The following ST7L variants were observed in gnomAD, a reference collection of about 807,000 sequenced individuals.
The protein encoded by ST7L is suppressor of tumorigenicity 7 protein-like.
Under a neutral mutation model 72.5 loss-of-function variants are expected in ST7L, and 57 were observed. The observed-to-expected ratio is 0.79, with a 90% CI of 0.64 to 0.98. The LOEUF (loss-of-function observed/expected upper bound fraction) is 0.98. Ranked by LOEUF, ST7L falls within the 50% of genes least tolerant of loss-of-function variation. ST7L has a pLI of 0.00. For synonymous variants in ST7L, 221 were observed against 240.9 expected, an observed-to-expected ratio of 0.92 and a Z score of 0.77; for missense variants, 576 against 672.2, an observed-to-expected ratio of 0.86 and a Z score of 1.58.
intron 13 of ST7L, among the ~76,000 whole-genome samples, chr1:112,548,759 A>G (rs989118415): frequency 7.9e-5 from 12 of 152,240 alleles, no homozygotes; most frequent in African/African-American, 2.9e-4. Flanking sequence ...GAAATTTACT[A>G]GTTTACAGAG....
downstream of ST7L, chr1:112,522,377 C>T (rs577722555): frequency 5.9e-5 from 9 of 152,414 alleles, no homozygotes; most frequent in African/African-American, 2.2e-4. Flanking sequence ...CCCGCAGATC[C>T]TCTTCACCAA....
At chr1:112,598,793 C>T (rs2102014843) in intron 4 of ST7L, among the ~76,000 whole-genome samples, 1 of 151,686 alleles carries the variant, frequency 6.6e-6, no homozygotes, top group South Asian at 2.1e-4. Context: ...GTGGCTCACG[C>T]ACGCCTTAAT....
intron 13 of ST7L, among the ~76,000 whole-genome samples, chr1:112,549,428 T>C (rs964375217): frequency 6.6e-6 from 1 of 152,060 alleles, no homozygotes; most frequent in Non-Finnish European, 1.5e-5. Context: ...GGTCTTCCAA[T>C]CCATCAACAT....
intron 3 of ST7L, among the ~76,000 whole-genome samples, chr1:112,602,713 CTTTT>C (rs35617753): frequency 1.7e-5 from 2 of 120,510 alleles, no homozygotes; most frequent in African/African-American, 3.2e-5. Flanking sequence ...CATTTTCTTT[CTTTT>C]TTTTTTTTTT....
intron 6 of ST7L, 54 bp from the exon 7 acceptor site, chr1:112,584,180 C>A: frequency 6.4e-7 from 1 of 1,563,568 alleles, no homozygotes; most frequent in East Asian, 2.3e-5. Context: ...CAAGTGTTTT[C>A]TCTTGGTTAT....
chr1:112,519,275 T>C (rs1012692015), downstream of ST7L, among the ~76,000 whole-genome samples: 4 of 152,242 alleles, frequency 2.6e-5, no homozygotes, highest in Non-Finnish European at 5.9e-5. Context: ...ATGTATATTA[T>C]AAAACGTAAA....
At chr1:112,588,685 T>C (rs754446712) in intron 6 of ST7L, among the ~76,000 whole-genome samples, 1 of 152,204 alleles carries the variant, frequency 6.6e-6, no homozygotes, top group Non-Finnish European at 1.5e-5. Flanking sequence ...TAATGTAGTG[T>C]ACTACATTGA....
intron 11 of ST7L, among the ~76,000 whole-genome samples, chr1:112,563,799 G>C (rs1453389834): frequency 6.6e-6 from 1 of 152,126 alleles, no homozygotes; most frequent in Non-Finnish European, 1.5e-5. Flanking sequence ...ATTTTGAACT[G>C]CTTTGATCTT....
intron 3 of ST7L, among the ~76,000 whole-genome samples, chr1:112,604,273 T>C (rs369041531): frequency 6.6e-6 from 1 of 152,128 alleles, no homozygotes; most frequent in African/African-American, 2.4e-5. Context: ...GGTGCCACTA[T>C]ACTTTAGCCT....
chr1:112,559,799 T>C (rs1466432049), intron 11 of ST7L, among the ~76,000 whole-genome samples: 1 of 151,714 alleles, frequency 6.6e-6, no homozygotes, highest in Non-Finnish European at 1.5e-5. Context: ...GCCAAGATGG[T>C]GAAACCCCGT....
At position 112,524,267 on chromosome 1, in the gene ST7L, GTCTT is replaced by G. The variant is rs1228005526; in HGVS notation, c.*1742_*1745del. 5 of 152,460 alleles carry G rather than the reference GTCTT, an allele frequency of 3.3e-5. No homozygotes were observed. The highest frequency in any genetic ancestry group is 1.9e-4 in the East Asian group (1 of 5,174). 9.4% of individuals were successfully genotyped at this position (152,460 alleles called of 1,614,324 possible). A position where few individuals can be genotyped will look rare whatever the true frequency, so the allele number is the denominator to read the frequency against. On this transcript the variant is annotated 3_prime_UTR_variant, in exon 15 of 15. Coordinates refer to ENST00000358039, the MANE Select transcript of ST7L (RefSeq NM_017744.5). The stretch of plus-strand genomic sequence containing the variant: ...GATAATTAGGATTTTTTTTTCCTCA[GTCTT>G]TCTGAGGTTTTTATTTAAATGCACT...
At chr1:112,521,311 C>CTTTTTTTTTTTTTTTTT (rs5777124), downstream of ST7L, 49 of 122,072 alleles carry the variant, frequency 4.0e-4, 1 homozygote, top group East Asian at 9.8e-4. Context: ...CTTGTGTTGC[C>CTTTTTTTTTTTTTTTTT]TTTTTTTTTT....
chr1:112,538,352 AT>A (rs1191767184), intron 14 of ST7L, among the ~76,000 whole-genome samples: 1 of 151,782 alleles, frequency 6.6e-6, no homozygotes, highest in African/African-American at 2.4e-5. Context: ...GTATTACAGT[AT>A]TTTTTTTGAG....
At chr1:112,573,836 G>C (rs1662573203) in intron 11 of ST7L, among the ~76,000 whole-genome samples, 1 of 151,536 alleles carries the variant, frequency 6.6e-6, no homozygotes, top group Non-Finnish European at 1.5e-5. Flanking sequence ...GGAGGTTGCA[G>C]TGGGCCAAGA....
In ST7L at chr1:112,578,371, C is replaced by T. The variant is rs567520104; in HGVS notation, c.1116G>A (p.Leu372=). 70 of 1,614,144 alleles carry T rather than the reference C, an allele frequency of 4.3e-5. No individual in the cohort carries two copies. In the East Asian group the frequency reaches 1.4e-3, roughly 32 times the overall value. ...KSAAICYTAA[L]LKTRTVSEKF... Reference sequence around the variant, plus strand: ...TTTCTGAAACAGTCCTTGTCTTCAACAGTGCTGCTGTGTAACAGATTGCTG... The same window carrying T: ...TTTCTGAAACAGTCCTTGTCTTCAATAGTGCTGCTGTGTAACAGATTGCTG... The change falls in exon 10 of 15, where the codon CTG becomes CTA. Residue 372 remains leucine (L), a synonymous_variant. Coordinates refer to ENST00000358039, the MANE Select transcript of ST7L (RefSeq NM_017744.5).
chr1:112,563,084 C>G (rs1038812916), intron 11 of ST7L, among the ~76,000 whole-genome samples: 10 of 147,326 alleles, frequency 6.8e-5, no homozygotes, highest in African/African-American at 2.4e-4. Context: ...TAAAAAGTAC[C>G]TATTACTTTT....
At chr1:112,609,986 G>A (rs1668830890) in intron 3 of ST7L, among the ~76,000 whole-genome samples, 1 of 152,006 alleles carries the variant, frequency 6.6e-6, no homozygotes, top group African/African-American at 2.4e-5. Context: ...TGGCAGAGAT[G>A]GCTGTTTCTG....
intron 2 of ST7L, among the ~76,000 whole-genome samples, chr1:112,615,228 C>T (rs889225534): frequency 3.9e-5 from 6 of 152,004 alleles, no homozygotes; most frequent in Admixed American, 2.6e-4. Flanking sequence ...ACTCTATCAC[C>T]CCACCTCGGT....
At position 112,555,862 on chromosome 1, in the gene ST7L, ACTTACTGC is replaced by A. The variant is rs1659026544; in HGVS notation, c.1394_1396+5del. On this transcript the variant is annotated splice_donor_variant and splice_donor_5th_base_variant and coding_sequence_variant and intron_variant, in exon 12 of 15. Transcript: ENST00000358039. LOFTEE classifies it high-confidence loss of function. ...ATTAGTGTTACTTTTGGAAAAGAAT[ACTTACTGC>A]CTTCCCATGTACACTGTAACAGATT... 1.3e-6 allele frequency: 2 copies of A among 1,498,748 alleles called. No homozygotes were observed. The highest frequency in any genetic ancestry group is 1.8e-6 in the Non-Finnish European group (2 of 1,118,652). The allele number at this position is 1,498,748 out of a possible 1,614,324, so 92.8% of individuals were successfully genotyped here. A position where few individuals can be genotyped will look rare whatever the true frequency, so the allele number is the denominator to read the frequency against.
Sources: allele counts gnomAD v4.1 joint callset (sites outside exome capture counted in the v4.1 genomes callset), GRCh38; gene constraint gnomAD v4.1.1; transcripts MANE v1.5; gene names NCBI Gene and HGNC (gene_info 2026-07-23, HGNC 2026-07-21).